PKN2: variants seen among roughly 807,000 people sequenced by gnomAD.
PKN2 encodes the protein protein kinase N2.
A neutral mutation model predicts 119.1 loss-of-function variants in PKN2; 38 were observed. That is an observed-to-expected ratio of 0.32 (90% CI 0.25 to 0.42). PKN2 has a LOEUF of 0.42. PKN2 is among the 10% of genes least tolerant of loss of function. The pLI is 1.00. For missense variants in PKN2, 850 were observed against 1,165.1 expected, an observed-to-expected ratio of 0.73 and a Z score of 3.94; for synonymous variants, 390 against 384.9, an observed-to-expected ratio of 1.01 and a Z score of -0.15.
intron 20 of PKN2, 53 bp from the exon 21 acceptor site, chr1:88,833,024 T>C (rs1316465058): frequency 1.4e-6 from 2 of 1,474,742 alleles, no homozygotes; most frequent in Non-Finnish European, 1.8e-6. Flanking sequence ...TCCTTATCAG[T>C]GAATTTTATT....
chr1:88,688,420 G>A (rs893297872), intron 1 of PKN2, among the ~76,000 whole-genome samples: 1 of 152,018 alleles, frequency 6.6e-6, no homozygotes, highest in Non-Finnish European at 1.5e-5. Flanking sequence ...ACAGTTCTGG[G>A]GAACTATAAA....
intron 2 of PKN2, among the ~76,000 whole-genome samples, chr1:88,750,998 CTT>C (rs1196218492): frequency 6.6e-6 from 1 of 152,114 alleles, no homozygotes; most frequent in African/African-American, 2.4e-5. Context: ...TTGATTTAAA[CTT>C]TTCAATGGAT....
chr1:88,729,717 C>CTG (rs1290863268), intron 1 of PKN2, among the ~76,000 whole-genome samples: 1 of 152,174 alleles, frequency 6.6e-6, no homozygotes, highest in East Asian at 1.9e-4. Flanking sequence ...GAAGACTACC[C>CTG]TCAGAGTCCA....
At chr1:88,728,710 A>ATG (rs1667999360) in intron 1 of PKN2, among the ~76,000 whole-genome samples, 1 of 152,130 alleles carries the variant, frequency 6.6e-6, no homozygotes, top group Non-Finnish European at 1.5e-5. Flanking sequence ...GGTAGGAGCC[A>ATG]GGTTTCTCAC....
intron 18 of PKN2, 22 bp from the exon 19 acceptor site, chr1:88,828,459 G>A: frequency 6.4e-7 from 1 of 1,562,500 alleles, no homozygotes. Flanking sequence ...GCTAACAAAT[G>A]TTTACATTTT....
intron 1 of PKN2, among the ~76,000 whole-genome samples, chr1:88,709,229 T>G (rs144434603): frequency 1.3e-5 from 2 of 151,922 alleles, no homozygotes; most frequent in East Asian, 3.9e-4. Context: ...AATTTTTAAT[T>G]TTTTTAGTAG....
chr1:88,750,968 G>C lies in PKN2; in HGVS notation c.350-9254G>C, dbSNP rs1003002474. 3.3e-5 allele frequency among the ~76,000 whole-genome samples: 5 copies of C among 152,074 alleles called. No individual in the cohort carries two copies. The South Asian group carries it at 8.3e-4, about 25-fold the overall frequency. On this transcript the variant is annotated intron_variant, in intron 2 of 21. Coordinates refer to ENST00000370521, the MANE Select transcript of PKN2 (RefSeq NM_006256.4). Reference sequence around the variant, plus strand: ...AGCATTTTTTTAAATCTAGAATTCAGATTCAGTGCTGTTAGTTTCTTGATT... The same window carrying C: ...AGCATTTTTTTAAATCTAGAATTCACATTCAGTGCTGTTAGTTTCTTGATT...
intron 1 of PKN2, among the ~76,000 whole-genome samples, chr1:88,714,097 G>T (rs920361949): frequency 3.3e-5 from 5 of 151,950 alleles, no homozygotes; most frequent in Admixed American, 6.6e-5. Context: ...GTTGTAGATG[G>T]GTGGTATTAT....
chr1:88,745,812 A>G (rs556492827), intron 2 of PKN2, among the ~76,000 whole-genome samples: 129 of 152,308 alleles, frequency 8.5e-4, no homozygotes, highest in African/African-American at 3.0e-3. Flanking sequence ...GAAGCATCAC[A>G]CTACCAAATT....
chr1:88,775,951 A>G (rs1670077781), intron 6 of PKN2, among the ~76,000 whole-genome samples: 1 of 151,316 alleles, frequency 6.6e-6, no homozygotes, highest in Non-Finnish European at 1.5e-5. Flanking sequence ...TAAAAATACA[A>G]AAAAAAATTA....
chr1:88,692,537 C>G (rs1270796123), intron 1 of PKN2, among the ~76,000 whole-genome samples: 1 of 152,128 alleles, frequency 6.6e-6, no homozygotes, highest in Non-Finnish European at 1.5e-5. Context: ...TTGATATTCT[C>G]TTTTTAAGTT....
chr1:88,702,221 A>G (rs983245846), intron 1 of PKN2, among the ~76,000 whole-genome samples: 1 of 152,170 alleles, frequency 6.6e-6, no homozygotes, highest in African/African-American at 2.4e-5. Flanking sequence ...GGCCTCCCAA[A>G]GTGCTGGGAT....
At chr1:88,804,810 C>A (rs758257960) in intron 9 of PKN2, 36 bp from the exon 10 acceptor site, 1 of 1,109,224 alleles carries the variant, frequency 9.0e-7, no homozygotes, top group Non-Finnish European at 1.3e-6. Flanking sequence ...ATGAACCATG[C>A]TATTTTCATG....
intron 1 of PKN2, among the ~76,000 whole-genome samples, chr1:88,734,389 G>A (rs997081054): frequency 7.0e-4 from 107 of 152,208 alleles, no homozygotes; most frequent in African/African-American, 2.0e-3. Flanking sequence ...TTTGTCTGTG[G>A]TGAGAGATAA....
chr1:88,722,020 G>A (rs575607997), intron 1 of PKN2, among the ~76,000 whole-genome samples: 64 of 152,282 alleles, frequency 4.2e-4, no homozygotes, highest in African/African-American at 1.4e-3. Context: ...AGTACTAGAC[G>A]AAAGTTGATA....
At chr1:88,743,626 C>T (rs953317615) in intron 2 of PKN2, among the ~76,000 whole-genome samples, 1 of 152,138 alleles carries the variant, frequency 6.6e-6, no homozygotes, top group Non-Finnish European at 1.5e-5. Context: ...TAAACTGTCT[C>T]CTCCTTGAAG....
intron 1 of PKN2, among the ~76,000 whole-genome samples, chr1:88,695,519 T>C (rs1311310871): frequency 6.6e-6 from 1 of 152,150 alleles, no homozygotes; most frequent in African/African-American, 2.4e-5. Context: ...ATTCCCCAGT[T>C]GTGGCTCAAA....
chr1:88,701,506 G>T (rs1666768256), intron 1 of PKN2, among the ~76,000 whole-genome samples: 2 of 152,124 alleles, frequency 1.3e-5, no homozygotes, highest in Non-Finnish European at 2.9e-5. Flanking sequence ...TCTATTGTCA[G>T]TGCCTATAAA....
chr1:88,821,581 C>CT (rs1269221484), intron 16 of PKN2, among the ~76,000 whole-genome samples: 1 of 152,148 alleles, frequency 6.6e-6, no homozygotes, highest in African/African-American at 2.4e-5. Flanking sequence ...TTTTGCACCT[C>CT]TATTTCTTTT....
Sources: gnomAD v4.1 joint callset for allele counts (sites outside exome capture counted in the v4.1 genomes callset) on GRCh38, gnomAD v4.1.1 for gene constraint, MANE v1.5 for transcripts, NCBI Gene and HGNC (gene_info 2026-07-23, HGNC 2026-07-21) for gene names.